The following PRKAR1A variants were observed in gnomAD, a reference collection of about 807,000 sequenced individuals.
PRKAR1A encodes the protein cAMP-dependent protein kinase type I-alpha regulatory subunit.
PRKAR1A carries 3 observed loss-of-function variants against 52.0 expected under a neutral mutation model. The observed-to-expected ratio is 0.06, with a 90% confidence interval of 0.03 to 0.15. The LOEUF (loss-of-function observed/expected upper bound fraction) is 0.15, where lower values mean the gene tolerates loss of function less well. Among genes scored for constraint, PRKAR1A ranks in the 10% least tolerant of loss-of-function variants. PRKAR1A has a pLI of 1.00. For missense variants in PRKAR1A, 240 were observed against 477.4 expected (o/e 0.50, Z 4.63); for synonymous variants, 188 against 168.4 (o/e 1.12, Z -0.90).
the PRKAR1A span, among the ~76,000 whole-genome samples, chr17:68,505,449 A>G: frequency 1.3e-5 from 2 of 152,220 alleles, no homozygotes. Context: ...GTAATTACAC[A>G]TTTATCAAAA....
At chr17:68,470,156 C>T in the PRKAR1A span, among the ~76,000 whole-genome samples, 1 of 151,376 alleles carries the variant, frequency 6.6e-6, no homozygotes, top group Non-Finnish European at 1.5e-5. Flanking sequence ...GACCTCGGCT[C>T]ACTGCAACCT....
Position 68,531,107 on chromosome 17 carries a change from A to T in PRKAR1A, c.*658A>T. The T allele has an allele frequency of 9.4e-7, 1 of 1,067,528 alleles. No homozygotes were observed. Among genetic ancestry groups the T allele is most frequent in the Non-Finnish European group, 1.1e-6 (1 of 880,540 alleles). The allele number at this position is 1,067,528 out of a possible 1,614,324, so 66.1% of individuals were successfully genotyped here. On this transcript the variant is annotated 3_prime_UTR_variant, in exon 11 of 11. Transcript: ENST00000589228. ...TCTTGTTATTAATGTTTCTTCTCCA[A>T]TTCTGAAATACTTTTGAGTATGGCT...
chr17:68,420,790 A>G, the PRKAR1A span: 4 of 313,390 alleles, frequency 1.3e-5, no homozygotes, highest in East Asian at 2.6e-4. Context: ...AAATAAAGGC[A>G]TACATGAAAA....
At chr17:68,431,064 C>T in the PRKAR1A span, among the ~76,000 whole-genome samples, 2 of 152,174 alleles carry the variant, frequency 1.3e-5, no homozygotes, top group Non-Finnish European at 2.9e-5. Context: ...CTGAGACATC[C>T]TTGTACTGTC....
intron 11 of PRKAR1A, among the ~76,000 whole-genome samples, chr17:68,544,916 GGTT>G (rs1011116674): frequency 1.3e-5 from 2 of 152,074 alleles, no homozygotes; most frequent in African/African-American, 2.4e-5. Flanking sequence ...TAAATTCAAA[GGTT>G]GTTTTTACTT....
the PRKAR1A span, among the ~76,000 whole-genome samples, chr17:68,476,003 C>T: frequency 1.3e-5 from 2 of 151,888 alleles, no homozygotes; most frequent in Non-Finnish European, 2.9e-5. Context: ...TTTGTTGATG[C>T]CTTCTGTGTA....
At chr17:68,427,313 C>T in the PRKAR1A span, 8 of 1,286,896 alleles carry the variant, frequency 6.2e-6, no homozygotes, top group Non-Finnish European at 7.8e-6. Flanking sequence ...ATCTAGGACA[C>T]CTTCCAAAGG....
At chr17:68,543,617 G>A (rs200159924) in intron 11 of PRKAR1A, 19 of 1,613,204 alleles carry the variant, frequency 1.2e-5, no homozygotes, top group Non-Finnish European at 1.5e-5. Context: ...TCTCCATGGG[G>A]CCAGACCCTA....
At chr17:68,455,586 T>C in the PRKAR1A span, among the ~76,000 whole-genome samples, 232 of 152,270 alleles carry the variant, frequency 1.5e-3, 1 homozygote, top group African/African-American at 5.3e-3. Flanking sequence ...CCTCTGTGGC[T>C]CAAAGCAACT....
At chr17:68,426,250 G>GGGGA in the PRKAR1A span, 1 of 828,058 alleles carries the variant, frequency 1.2e-6, no homozygotes, top group Non-Finnish European at 1.9e-6. Context: ...GGTGGGGAGC[G>GGGGA]GGGGCTCAAA....
At chr17:68,425,323 C>T in the PRKAR1A span, among the ~76,000 whole-genome samples, 6 of 152,036 alleles carry the variant, frequency 3.9e-5, no homozygotes, top group African/African-American at 7.2e-5. Context: ...CCCATCTCAG[C>T]GTCCCGAATA....
intron 11 of PRKAR1A, among the ~76,000 whole-genome samples, chr17:68,546,698 C>T (rs188962617): frequency 1.0e-3 from 157 of 152,064 alleles, no homozygotes; most frequent in Non-Finnish European, 5.7e-4. Context: ...GGCATGGTGG[C>T]CGGCGCCTGT....
chr17:68,448,693 CAATCTT>C, the PRKAR1A span, among the ~76,000 whole-genome samples: 86 of 152,164 alleles, frequency 5.7e-4, no homozygotes, highest in Non-Finnish European at 1.8e-4. Flanking sequence ...TTTGCCTAAA[CAATCTT>C]AAAAAGATCA....
chr17:68,442,384 G>T, the PRKAR1A span, among the ~76,000 whole-genome samples: 1 of 150,266 alleles, frequency 6.7e-6, no homozygotes, highest in Admixed American at 6.7e-5. Flanking sequence ...AGAATCACTT[G>T]AATCCGGGAG....
In PRKAR1A at chr17:68,530,567, T is replaced by A; in HGVS notation, c.*118T>A. 6.3e-7 allele frequency: 1 copy of A among 1,581,710 alleles called. No homozygotes were observed. Among genetic ancestry groups the A allele is most frequent in the Non-Finnish European group, 8.6e-7 (1 of 1,164,654 alleles). ...GCCACTGGCATCGCAGCTTCCTGTC[T>A]GTTTATATATTGAAAGTTGCTTTTA... On this transcript the variant is annotated 3_prime_UTR_variant, in exon 11 of 11. Coordinates refer to ENST00000589228, the MANE Select transcript of PRKAR1A (RefSeq NM_002734.5).
chr17:68,424,003 G>T, the PRKAR1A span, among the ~76,000 whole-genome samples: 1 of 152,102 alleles, frequency 6.6e-6, no homozygotes, highest in African/African-American at 2.4e-5. Context: ...TTGTCCCCAC[G>T]GTGTCTGACC....
At position 68,531,936 on chromosome 17, in the gene PRKAR1A, C is replaced by T. The variant is rs886053314; in HGVS notation, c.*1487C>T. On this transcript the variant is annotated 3_prime_UTR_variant, in exon 11 of 11. Transcript: ENST00000589228. ...GGAGTGACTGCAAGCATTTTTCCAT[C>T]TGTGTGCAACTAACTGACTCTGTTA... The T allele has an allele frequency of 3.3e-5, 35 of 1,065,448 alleles. 1 individual carries two copies. The highest frequency in any genetic ancestry group is 9.1e-6 in the Non-Finnish European group (8 of 879,110). 66.0% of individuals were successfully genotyped at this position (1,065,448 alleles called of 1,614,324 possible).
chr17:68,521,460 G>A (rs896412277), intron 2 of PRKAR1A, among the ~76,000 whole-genome samples: 4 of 152,090 alleles, frequency 2.6e-5, no homozygotes, highest in Non-Finnish European at 5.9e-5. Flanking sequence ...CGAACTCCTG[G>A]ACTCAAGTGA....
At chr17:68,458,042 G>A in the PRKAR1A span, among the ~76,000 whole-genome samples, 1 of 151,998 alleles carries the variant, frequency 6.6e-6, no homozygotes, top group African/African-American at 2.4e-5. Flanking sequence ...AACTTACAGA[G>A]TTTAGCAGAG....
Sources: allele counts gnomAD v4.1 joint callset (sites outside exome capture counted in the v4.1 genomes callset), GRCh38; gene constraint gnomAD v4.1.1; transcripts MANE v1.5; gene names NCBI Gene and HGNC (gene_info 2026-07-23, HGNC 2026-07-21).